The following U2SURP variants were observed in gnomAD, a reference collection of about 807,000 sequenced individuals.
The protein encoded by U2SURP is U2 snRNP associated SURP domain containing.
U2SURP carries 9 observed loss-of-function variants against 144.9 expected under a neutral mutation model. The observed-to-expected ratio is 0.06, with a 90% CI of 0.04 to 0.11. The LOEUF is 0.11. Among genes scored for constraint, U2SURP ranks in the 10% least tolerant of loss-of-function variants. U2SURP has a pLI of 1.00. For synonymous variants in U2SURP, 408 were observed against 396.8 expected (o/e 1.03, Z -0.33); for missense variants, 724 against 1,226.7 (o/e 0.59, Z 6.12).
intron 8 of U2SURP, 107 bp from the exon 9 acceptor site, chr3:143,021,243 C>T: frequency 1.6e-6 from 2 of 1,224,396 alleles, no homozygotes; most frequent in Admixed American, 4.7e-5. Flanking sequence ...CTCTTTTTGT[C>T]TCTCAGAAAT....
chr3:143,003,132 G>A (rs1384514319), intron 1 of U2SURP, among the ~76,000 whole-genome samples: 1 of 152,154 alleles, frequency 6.6e-6, no homozygotes, highest in Non-Finnish European at 1.5e-5. Flanking sequence ...CTGTGTTCAG[G>A]CTTCCTTCTA....
At chr3:143,006,326 A>G (rs1345909245) in intron 1 of U2SURP, among the ~76,000 whole-genome samples, 1 of 152,256 alleles carries the variant, frequency 6.6e-6, no homozygotes, top group Non-Finnish European at 1.5e-5. Flanking sequence ...AGTGGACAGC[A>G]TAGTATGTTG....
Position 143,016,825 on chromosome 3 carries a change from A to C in U2SURP, c.437-17A>C. On this transcript the variant is annotated splice_polypyrimidine_tract_variant and intron_variant, in intron 5 of 27. Coordinates refer to ENST00000473835, the MANE Select transcript of U2SURP (RefSeq NM_001080415.2). ...TATTGCGAAATTAGTTTTGAAACTT[A>C]GTATTTTAAATTTCAGAAGAACATG... 1 of 1,511,948 alleles carries C rather than the reference A, an allele frequency of 6.6e-7. No homozygotes were observed. The highest frequency in any genetic ancestry group is 1.3e-5 in the South Asian group (1 of 75,256). 93.7% of individuals were successfully genotyped at this position (1,511,948 alleles called of 1,614,324 possible).
chr3:143,037,939 T>C (rs993614158), intron 21 of U2SURP, among the ~76,000 whole-genome samples, 169 bp from the exon 22 acceptor site: 3 of 152,144 alleles, frequency 2.0e-5, no homozygotes, highest in Non-Finnish European at 4.4e-5. Context: ...AATATTGCCC[T>C]CAGATGCAGA....
At chr3:143,051,602 C>CAAA (rs3041537) in intron 25 of U2SURP, among the ~76,000 whole-genome samples, 4,449 of 89,982 alleles carry the variant, frequency 0.049, 297 homozygotes, top group African/African-American at 0.061. Context: ...ACTGTCGTTG[C>CAAA]AAAAAAAAAA....
At chr3:143,003,677 C>CT (rs60505715) in intron 1 of U2SURP, among the ~76,000 whole-genome samples, 2,454 of 101,362 alleles carry the variant, frequency 0.024, 97 homozygotes, top group South Asian at 0.035. Flanking sequence ...TATTTTATTT[C>CT]TTTTTTTTTT....
At chr3:143,004,182 C>T (rs946069224) in intron 1 of U2SURP, among the ~76,000 whole-genome samples, 1 of 151,886 alleles carries the variant, frequency 6.6e-6, no homozygotes, top group African/African-American at 2.4e-5. Context: ...TTTCATGATT[C>T]GTCGTTTTCT....
chr3:143,053,910 G>GT, intron 26 of U2SURP, 116 bp downstream of exon 26: 1 of 878,878 alleles, frequency 1.1e-6, no homozygotes, highest in Non-Finnish European at 1.7e-6. Context: ...TGATAAACTT[G>GT]TTTGGGTCCT....
chr3:143,011,572 C>T (rs1018254859), intron 2 of U2SURP, among the ~76,000 whole-genome samples: 3 of 152,080 alleles, frequency 2.0e-5, no homozygotes, highest in African/African-American at 7.2e-5. Context: ...GTTGGCACTT[C>T]AGCACAGATC....
At chr3:143,012,512 C>A (rs1452359195) in intron 3 of U2SURP, 159 bp downstream of exon 3, 2 of 590,390 alleles carry the variant, frequency 3.4e-6, no homozygotes, top group Non-Finnish European at 5.1e-6. Context: ...ACAGTAAACT[C>A]ATTTATGTAG....
At chr3:143,024,375 T>C (rs1214485109) in intron 13 of U2SURP, 1 of 371,328 alleles carries the variant, frequency 2.7e-6, no homozygotes, top group Admixed American at 3.9e-5. Context: ...CAATCTGTTG[T>C]TATTTTTTTC....
chr3:143,026,617 A>AT (rs1412672070), intron 13 of U2SURP: 3 of 152,110 alleles, frequency 2.0e-5, no homozygotes, highest in African/African-American at 2.4e-5. Flanking sequence ...AGTTGGATGG[A>AT]TTTTTTATTA....
At chr3:143,037,477 T>C (rs1933876455) in intron 21 of U2SURP, 142 bp downstream of exon 21, 1 of 819,152 alleles carries the variant, frequency 1.2e-6, no homozygotes. Flanking sequence ...TCTGATTTTT[T>C]TCAAAATTCA....
chr3:143,034,105 T>A (rs1460658635), intron 18 of U2SURP, among the ~76,000 whole-genome samples: 1 of 152,206 alleles, frequency 6.6e-6, no homozygotes, highest in African/African-American at 2.4e-5. Flanking sequence ...TGCTGTATTA[T>A]AATTAATGTA....
intron 16 of U2SURP, among the ~76,000 whole-genome samples, chr3:143,029,421 A>T (rs1482875713): frequency 6.6e-6 from 1 of 152,178 alleles, no homozygotes; most frequent in Non-Finnish European, 1.5e-5. Context: ...CAATAGCTCA[A>T]ACTTTTTCAT....
chr3:143,044,970 A>G (rs190016894), intron 24 of U2SURP, among the ~76,000 whole-genome samples: 7 of 152,366 alleles, frequency 4.6e-5, no homozygotes, highest in African/African-American at 1.7e-4. Context: ...GTATTCATAT[A>G]CATTTTAAAT....
At position 143,038,969 on chromosome 3, in the gene U2SURP, C is replaced by CTT; in HGVS notation, c.2384+10_2384+11insTT. ...GAAGAAGAAAATCAAAAGTAAGAAT[C>CTT]TAAGTTTTGAATATACTGTTTCTTG... On this transcript the variant is annotated intron_variant, in intron 23 of 27. Coordinates refer to ENST00000473835, the MANE Select transcript of U2SURP (RefSeq NM_001080415.2). 6.6e-7 allele frequency: 1 copy of CTT among 1,505,298 alleles called. No homozygotes were observed. Among genetic ancestry groups the CTT allele is most frequent in the Non-Finnish European group, 8.9e-7 (1 of 1,119,886 alleles). 93.2% of individuals were successfully genotyped at this position (1,505,298 alleles called of 1,614,324 possible).
intron 1 of U2SURP, among the ~76,000 whole-genome samples, chr3:143,008,819 G>C (rs1322908407): frequency 6.6e-6 from 1 of 152,240 alleles, no homozygotes; most frequent in Non-Finnish European, 1.5e-5. Flanking sequence ...AGGCGGTAGT[G>C]CAGTGGCGCG....
At chr3:143,001,797 C>T in intron 1 of U2SURP, 124 bp downstream of exon 1, 2 of 1,249,564 alleles carry the variant, frequency 1.6e-6, no homozygotes, top group Non-Finnish European at 2.3e-6. Flanking sequence ...ACGGTAGGCC[C>T]GGGCGCCGCC....
Sources: gnomAD v4.1 joint callset for allele counts (sites outside exome capture counted in the v4.1 genomes callset) on GRCh38, gnomAD v4.1.1 for gene constraint, MANE v1.5 for transcripts, NCBI Gene and HGNC (gene_info 2026-07-23, HGNC 2026-07-21) for gene names.